The following ESRRG variants were observed in gnomAD, a reference collection of about 807,000 sequenced individuals.
ESRRG encodes the protein estrogen-related receptor gamma.
A neutral mutation model predicts 44.0 loss-of-function variants in ESRRG; 13 were observed. The ratio of observed to expected loss-of-function variants is 0.30; its 90% CI spans 0.19 to 0.47. ESRRG has a LOEUF of 0.47. ESRRG is among the 20% of genes least tolerant of loss of function. The pLI, the probability that ESRRG is intolerant of heterozygous loss-of-function variation, is 1.00. For synonymous variants in ESRRG, 215 were observed against 214.6 expected, an observed-to-expected ratio of 1.00 and a Z score of -0.02; for missense variants, 395 against 580.6, an observed-to-expected ratio of 0.68 and a Z score of 3.29.
At chr1:217,039,277 A>C (rs2083427338) in intron 1 of ESRRG, among the ~76,000 whole-genome samples, 2 of 152,118 alleles carry the variant, frequency 1.3e-5, no homozygotes, top group African/African-American at 4.8e-5. Context: ...CCACATTTTC[A>C]GGTATATTTT....
intron 5 of ESRRG, among the ~76,000 whole-genome samples, chr1:216,550,600 AC>A (rs2055999329): frequency 6.6e-6 from 1 of 152,148 alleles, no homozygotes; most frequent in African/African-American, 2.4e-5. Context: ...TATGGACGCA[AC>A]ATGGAGCCCA....
chr1:216,594,892 C>G (rs951035), intron 3 of ESRRG, among the ~76,000 whole-genome samples: 2,979 of 152,256 alleles, frequency 0.02, 54 homozygotes, highest in Admixed American at 0.044. Flanking sequence ...AGTGGTAGAA[C>G]TTTGGGACTC....
intron 2 of ESRRG, among the ~76,000 whole-genome samples, chr1:216,902,605 T>C (rs2059217200): frequency 6.6e-6 from 1 of 152,190 alleles, no homozygotes; most frequent in African/African-American, 2.4e-5. Flanking sequence ...CACATACTCC[T>C]CAATGCTGGA....
intron 2 of ESRRG, among the ~76,000 whole-genome samples, chr1:216,821,663 C>G (rs557871694): frequency 8.0e-6 from 1 of 124,982 alleles, no homozygotes; most frequent in Non-Finnish European, 1.7e-5. Flanking sequence ...CCAGCCTGGG[C>G]GACAGAACAA....
intron 1 of ESRRG, among the ~76,000 whole-genome samples, chr1:217,079,555 C>A (rs1372500870): frequency 6.6e-6 from 1 of 152,180 alleles, no homozygotes; most frequent in Non-Finnish European, 1.5e-5. Context: ...AGACTCTGGG[C>A]TCTGGTGCCA....
intron 1 of ESRRG, among the ~76,000 whole-genome samples, chr1:216,999,511 A>G (rs1050661325): frequency 1.2e-4 from 19 of 152,278 alleles, no homozygotes; most frequent in Non-Finnish European, 2.4e-4. Context: ...CACAGCTGCT[A>G]TGGATACACT....
upstream of ESRRG, among the ~76,000 whole-genome samples, chr1:217,091,111 G>A (rs1224674260): frequency 6.6e-6 from 1 of 152,156 alleles, no homozygotes; most frequent in South Asian, 2.1e-4. Flanking sequence ...CTAGCACCAG[G>A]TTTGGCAAAT....
intron 5 of ESRRG, among the ~76,000 whole-genome samples, chr1:216,525,771 G>T (rs1352482509): frequency 1.3e-5 from 2 of 152,094 alleles, no homozygotes; most frequent in East Asian, 3.9e-4. Flanking sequence ...TGATTTGAAA[G>T]AAAAAGGATC....
chr1:216,822,149 T>C (rs1445972607), intron 2 of ESRRG, among the ~76,000 whole-genome samples: 1 of 152,186 alleles, frequency 6.6e-6, no homozygotes, highest in Admixed American at 6.5e-5. Flanking sequence ...TGAAATGAAA[T>C]AATTTGATGG....
chr1:216,956,671 G>T (rs926099737), intron 1 of ESRRG, among the ~76,000 whole-genome samples: 1 of 152,164 alleles, frequency 6.6e-6, no homozygotes, highest in Admixed American at 6.5e-5. Flanking sequence ...GTCTTGTGGT[G>T]ATGCACTAGG....
intron 3 of ESRRG, among the ~76,000 whole-genome samples, chr1:216,579,678 T>A (rs963061270): frequency 6.6e-6 from 1 of 152,160 alleles, no homozygotes; most frequent in African/African-American, 2.4e-5. Flanking sequence ...GGTTGTAGGA[T>A]GGGCAATTGC....
intron 3 of ESRRG, among the ~76,000 whole-genome samples, chr1:216,648,645 G>A (rs1350211700): frequency 6.6e-6 from 1 of 152,128 alleles, no homozygotes; most frequent in East Asian, 1.9e-4. Context: ...CAAATGGTAT[G>A]TAAATCATAG....
intron 2 of ESRRG, among the ~76,000 whole-genome samples, chr1:216,848,384 T>C (rs1187432589): frequency 6.7e-6 from 1 of 148,582 alleles, no homozygotes; most frequent in Non-Finnish European, 1.5e-5. Flanking sequence ...CAAAGCTAGA[T>C]ATGAATTTCT....
intron 5 of ESRRG, among the ~76,000 whole-genome samples, chr1:216,558,277 G>A (rs189748690): frequency 1.9e-4 from 29 of 152,084 alleles, no homozygotes; most frequent in Non-Finnish European, 3.5e-4. Context: ...TTCCTATTTC[G>A]ATGCCATAGT....
At chr1:216,703,207 G>C (rs1449432344) in intron 1 of ESRRG, among the ~76,000 whole-genome samples, 2 of 152,032 alleles carry the variant, frequency 1.3e-5, no homozygotes, top group African/African-American at 4.8e-5. Flanking sequence ...ACATGTGCAG[G>C]GGTGTCCAAG....
chr1:216,913,936 T>A (rs2060810247), intron 2 of ESRRG, among the ~76,000 whole-genome samples: 2 of 152,196 alleles, frequency 1.3e-5, no homozygotes, highest in Admixed American at 6.5e-5. Flanking sequence ...AGAAAATTTT[T>A]AAAAATCAAT....
intron 1 of ESRRG, among the ~76,000 whole-genome samples, chr1:216,698,947 C>T (rs999677266): frequency 6.6e-6 from 1 of 152,172 alleles, no homozygotes; most frequent in Admixed American, 6.5e-5. Flanking sequence ...ACAGATTAGC[C>T]AGTTCAGGTT....
intron 2 of ESRRG, among the ~76,000 whole-genome samples, chr1:216,830,104 A>G (rs2095463686): frequency 2.0e-5 from 3 of 152,188 alleles, no homozygotes. Flanking sequence ...GCGGGCCTAC[A>G]ATGCATTCAT....
Position 216,771,952 on chromosome 1 carries a change from C to T in ESRRG, c.-13-94461G>A, listed in dbSNP as rs570268806. Among the ~76,000 whole-genome samples the T allele has an allele frequency of 2.6e-5, 4 of 151,376 alleles. No individual in the cohort carries two copies. The South Asian group carries it at 8.3e-4, about 32-fold the overall frequency. On this transcript the variant is annotated intron_variant, in intron 2 of 7. Transcript: ENST00000359162. ...GAGTTCTGATCCTAGCTGTCTATGA[C>T]CTGAGGTGAACATTTAACTTCTCAT...
Sources: allele counts gnomAD v4.1 joint callset (sites outside exome capture counted in the v4.1 genomes callset), GRCh38; gene constraint gnomAD v4.1.1; transcripts MANE v1.5; gene names NCBI Gene and HGNC (gene_info 2026-07-23, HGNC 2026-07-21).